The following GPR162 variants were observed in gnomAD, a reference collection of about 807,000 sequenced individuals.
GPR162 encodes probable G protein-coupled receptor 162.
In GPR162, 26 loss-of-function variants were observed where a neutral mutation model predicts 44.9. The observed-to-expected ratio is 0.58, with a 90% CI of 0.42 to 0.80. The LOEUF (loss-of-function observed/expected upper bound fraction) is 0.80. GPR162 is among the 30% of genes least tolerant of loss of function. The probability of loss-of-function intolerance (pLI) is 0.00; values close to 1 mark genes in which losing one functional copy is unlikely to be tolerated. For synonymous variants in GPR162, 363 were observed against 335.2 expected, an observed-to-expected ratio of 1.08 and a Z score of -0.91; for missense variants, 704 against 802.3, an observed-to-expected ratio of 0.88 and a Z score of 1.48.
intron 3 of GPR162, 115 bp from the exon 4 acceptor site, chr12:6,826,081 G>T (rs1591574688): frequency 2.6e-6 from 2 of 774,054 alleles, no homozygotes; most frequent in East Asian, 4.9e-5. Context: ...CTGTCCTCTT[G>T]GAACATACAT....
At position 6,822,085 on chromosome 12, in the gene GPR162, C is replaced by T. The variant is rs928464497; in HGVS notation, c.-432+185C>T. Among the ~76,000 whole-genome samples the T allele has an allele frequency of 9.2e-5, 14 of 152,174 alleles. No homozygotes were observed. Among genetic ancestry groups the T allele is most frequent in the African/African-American group, 3.1e-4 (13 of 41,418 alleles). On this transcript the variant is annotated intron_variant, in intron 1 of 4. Transcript: ENST00000311268. The surrounding 1 kb of genome is among the most constrained non-coding windows in gnomAD (Gnocchi z 4.2). ...CTTCACCCCAAAGGGCGAGGGACCCCGTCGGCCAGGGAACCTCCCAGATCC... is the reference window on the plus strand; with the variant it reads ...CTTCACCCCAAAGGGCGAGGGACCCTGTCGGCCAGGGAACCTCCCAGATCC...
At position 6,826,217 on chromosome 12, in the gene GPR162, C is replaced by G. The variant is rs1233242166; in HGVS notation, c.1079C>G (p.Ala360Gly). Residue 360 changes from alanine (A) to glycine (G), a missense_variant, in exon 4 of 5, where the codon GCA becomes GGA. By Grantham distance (60) the Ala-to-Gly change is moderately conservative. Around this residue, in one of 6 missense-constraint regions of GPR162, gnomAD observed 404 missense variants for 314.1 expected, o/e 1.29. Transcript: ENST00000311268. ...GDDDGGCDDYAEGRVCKVRFD... is the reference protein window; with the variant it reads ...GDDDGGCDDYGEGRVCKVRFD... ...CTAGATGGGGGCTGTGACGACTATG[C>G]AGAGGGCCGAGTTTGCAAAGTTCGC... The G allele has an allele frequency of 7.4e-6, 12 of 1,613,734 alleles. No individual in the cohort carries two copies. The highest frequency in any genetic ancestry group is 9.3e-6 in the Non-Finnish European group (11 of 1,179,862).
chr12:6,825,271 C>T (rs1259097375), intron 2 of GPR162: 5 of 593,536 alleles, frequency 8.4e-6, no homozygotes, highest in East Asian at 5.6e-5. Context: ...CCCTCCTGAC[C>T]GCAGGGCTTT....
In GPR162 at chr12:6,827,125, CG is replaced by C. The variant is rs764762878; in HGVS notation, c.1694del (p.Gly565ValfsTer22). The C allele has an allele frequency of 3.7e-6, 6 of 1,613,056 alleles. No homozygotes were observed. In the African/African-American group the frequency reaches 4.0e-5, roughly 11 times the overall value. On this transcript the variant is annotated frameshift_variant, in exon 5 of 5. Transcript: ENST00000311268. LOFTEE classifies it high-confidence loss of function. ...AGCGCAGGGAGACGCTGCTCCCTGA[CG>C]GGGGGTGAAGAAAGTGCAAGGGCTT... The part of the protein sequence containing the change: ...GLSAGRRCSL[T>X]GGEESARAWG...
In GPR162 at chr12:6,823,598, T is replaced by G; in HGVS notation, c.-301T>G. The G allele has an allele frequency of 5.2e-6, 3 of 577,906 alleles. No homozygotes were observed. Among genetic ancestry groups the G allele is most frequent in the South Asian group, 2.5e-5 (1 of 40,456 alleles). 35.8% of individuals were successfully genotyped at this position (577,906 alleles called of 1,614,324 possible). A position where few individuals can be genotyped will look rare whatever the true frequency, so the allele number is the denominator to read the frequency against. On this transcript the variant is annotated 5_prime_UTR_variant, in exon 2 of 5. The change abolishes the stop of an existing upstream ORF in the 5' untranslated region. Coordinates refer to ENST00000311268, the MANE Select transcript of GPR162 (RefSeq NM_019858.2). The stretch of plus-strand genomic sequence containing the variant: ...GACCAGAACCCCCCAGCCAGCCTCA[T>G]AGTTGGGAAAGTAGCCAGCTTGCCT...
At chr12:6,826,117 G>T in intron 3 of GPR162, 79 bp from the exon 4 acceptor site, 1 of 1,097,350 alleles carries the variant, frequency 9.1e-7, no homozygotes. Context: ...AGGGGTCTCT[G>T]GGAGCTTATA....
rs1555120328 is a variant in GPR162, at chr12:6,826,962, A to G, written c.1525A>G (p.Ile509Val). ...GFFREEITTF[I>V]DETPLPSPTA... ...CTTCCGGGAGGAGATCACCACCTTCATCGATGAGACACCTCTGCCTTCTCC... is the reference window on the plus strand; with the variant it reads ...CTTCCGGGAGGAGATCACCACCTTCGTCGATGAGACACCTCTGCCTTCTCC... Residue 509 changes from isoleucine (I) to valine (V), a missense_variant, in exon 5 of 5, where the codon ATC becomes GTC. Ile to Val is a conservative substitution (Grantham distance 29). Coordinates refer to ENST00000311268, the MANE Select transcript of GPR162 (RefSeq NM_019858.2). 1 of 1,613,240 alleles carries G rather than the reference A, an allele frequency of 6.2e-7. No individual in the cohort carries two copies. The highest frequency in any genetic ancestry group is 2.2e-5 in the East Asian group (1 of 44,880).
rs200629121 is a variant in GPR162 at position 6,824,142 on chromosome 12, G to A, written c.244G>A (p.Asp82Asn). The A allele has an allele frequency of 1.2e-5, 19 of 1,613,806 alleles. No individual in the cohort carries two copies. Among genetic ancestry groups the A allele is most frequent in the East Asian group, 8.9e-5 (4 of 44,904 alleles). Residue 82 changes from aspartate to asparagine, a missense_variant, in exon 2 of 5, where the codon GAC becomes AAC. Asp to Asn is a conservative substitution (Grantham distance 23). Transcript: ENST00000311268. ...VVQLRRQASS[D>N]YDWNESICKV... ...GCAGCTGCGTCGTCAGGCTTCCTCC[G>A]ACTATGACTGGAACGAGAGTATCTG... is the stretch of plus-strand genomic sequence containing the variant.
chr12:6,823,777 C>T lies in GPR162; in HGVS notation c.-122C>T, dbSNP rs1555119522. The T allele has an allele frequency of 1.2e-6, 2 of 1,612,990 alleles. No homozygotes were observed. The highest frequency in any genetic ancestry group is 1.7e-5 in the Admixed American group (1 of 59,914). ...CTGAGCACTGGGGTGAGCCTGGGGGCAGCCTGCCTGCTGACAGGGCGAGGA... is the reference window on the plus strand; with the variant it reads ...CTGAGCACTGGGGTGAGCCTGGGGGTAGCCTGCCTGCTGACAGGGCGAGGA... On this transcript the variant is annotated 5_prime_UTR_variant, in exon 2 of 5. Transcript: ENST00000311268.
At chr12:6,825,771 C>A (rs1943346198) in intron 3 of GPR162, 98 bp downstream of exon 3, 1 of 1,050,626 alleles carries the variant, frequency 9.5e-7, no homozygotes, top group Non-Finnish European at 1.4e-6. Flanking sequence ...CTGGAGTGCC[C>A]CCTACTGGAC....
intron 3 of GPR162, 116 bp from the exon 4 acceptor site, chr12:6,826,080 T>C (rs1052123797): frequency 1.4e-5 from 11 of 771,338 alleles, no homozygotes; most frequent in Non-Finnish European, 2.4e-5. Flanking sequence ...ACTGTCCTCT[T>C]GGAACATACA....
Position 6,822,796 on chromosome 12 carries a change from G to T in GPR162, c.-431-672G>T, listed in dbSNP as rs1943301684. On this transcript the variant is annotated intron_variant, in intron 1 of 4. Transcript: ENST00000311268. This position sits in a 1 kb window ranked among gnomAD's most constrained non-coding sequence, Gnocchi z 4.2. ...GTTTGAGCTTTTCCTGCTATTTTCA[G>T]ATACTACCACTTTGCCCCCTCTTTC... is the stretch of plus-strand genomic sequence containing the variant. 6.7e-6 allele frequency among the ~76,000 whole-genome samples: 1 copy of T among 149,170 alleles called. No homozygotes were observed.
Position 6,826,852 on chromosome 12 carries a change from A to C in GPR162, c.1415A>C (p.Glu472Ala). The C allele has an allele frequency of 6.2e-7, 1 of 1,612,378 alleles. No individual in the cohort carries two copies. Among genetic ancestry groups the C allele is most frequent in the Non-Finnish European group, 8.5e-7 (1 of 1,179,180 alleles). Residue 472 changes from glutamate (E) to alanine (A), a missense_variant, in exon 5 of 5, where the codon GAA becomes GCA. By Grantham distance (107) the Glu-to-Ala change is moderately radical. Around this residue, in one of 6 missense-constraint regions of GPR162, gnomAD observed 404 missense variants for 314.1 expected, o/e 1.29. Transcript: ENST00000311268. ...LEDEEDEEEA[E>A]GGGLASLRQF... ...GACGAGGAGGACGAGGAAGAGGCTG[A>C]AGGTGGGGGGCTGGCCAGCCTTCGC...
Position 6,826,734 on chromosome 12 carries a change from T to C in GPR162, c.1297T>C (p.Trp433Arg). 6.3e-7 allele frequency: 1 copy of C among 1,585,252 alleles called. No homozygotes were observed. ...PREPGSFLHKWSSSDDIRVLP... is the reference protein window; with the variant it reads ...PREPGSFLHKRSSSDDIRVLP... Reference sequence around the variant, plus strand: ...GGAACCAGGCTCCTTCCTGCACAAGTGGTCATCCTCTGATGACATCCGGGT... The same window carrying C: ...GGAACCAGGCTCCTTCCTGCACAAGCGGTCATCCTCTGATGACATCCGGGT... The change falls in exon 5 of 5, where the codon TGG becomes CGG. Residue 433 changes from tryptophan (W) to arginine (R), a missense_variant. By Grantham distance (101) the Trp-to-Arg change is moderately radical. This residue lies in a region of GPR162 where 404 missense variants were observed against 314.1 expected (regional missense o/e 1.29). Transcript: ENST00000311268.
rs145213201 is a variant in GPR162, at chr12:6,826,858, G to A, written c.1421G>A (p.Gly474Glu). ...GAGGACGAGGAAGAGGCTGAAGGTG[G>A]GGGGCTGGCCAGCCTTCGCCAATTC... ...DEEDEEEAEG[G>E]GLASLRQFLE... Residue 474 changes from glycine (G) to glutamate (E), a missense_variant, in exon 5 of 5, where the codon GGG (glycine) becomes GAG (glutamate). Physicochemically the swap from Gly to Glu is moderately conservative, Grantham distance 98. Transcript: ENST00000311268. The A allele has an allele frequency of 3.7e-5, 59 of 1,612,620 alleles. No individual in the cohort carries two copies. The highest frequency in any genetic ancestry group is 7.7e-5 in the South Asian group (7 of 91,010).
intron 4 of GPR162, 85 bp from the exon 5 acceptor site, chr12:6,826,568 C>A: frequency 1.6e-6 from 2 of 1,283,824 alleles, no homozygotes; most frequent in Non-Finnish European, 2.1e-6. Flanking sequence ...AAGAAGGTGG[C>A]ACCATCTTCC....
intron 4 of GPR162, 122 bp downstream of exon 4, chr12:6,826,475 T>G: frequency 8.8e-7 from 1 of 1,139,626 alleles, no homozygotes; most frequent in Non-Finnish European, 1.2e-6. Context: ...TAGAGCTGGG[T>G]GAAAGAAAGC....
intron 2 of GPR162, 90 bp downstream of exon 2, chr12:6,824,855 C>T (rs782283297): frequency 3.1e-6 from 3 of 959,138 alleles, no homozygotes; most frequent in Non-Finnish European, 5.0e-6. Context: ...CATACAGCAG[C>T]TCCGTCATCT....
At chr12:6,825,032 C>T (rs782349722) in intron 2 of GPR162, 16 of 657,790 alleles carry the variant, frequency 2.4e-5, no homozygotes, top group South Asian at 4.7e-5. Context: ...TTCAGTTCCA[C>T]GACCTGTCCT....
Sources: allele counts gnomAD v4.1 joint callset (sites outside exome capture counted in the v4.1 genomes callset), GRCh38; gene constraint gnomAD v4.1.1; regional missense constraint gnomAD v4.1.1; non-coding constraint Gnocchi (gnomAD v3.1); transcripts MANE v1.5; gene names NCBI Gene and HGNC (gene_info 2026-07-23, HGNC 2026-07-21).